BRCA1: variants seen among roughly 807,000 people sequenced by gnomAD.
BRCA1 encodes BRCA1 DNA repair associated.
Under a neutral mutation model 173.7 loss-of-function variants are expected in BRCA1, and 140 were observed. That is an observed-to-expected ratio of 0.81 (90% CI 0.70 to 0.93). The LOEUF (loss-of-function observed/expected upper bound fraction) is 0.93, where lower values mean the gene tolerates loss of function less well. BRCA1 is among the 40% of genes least tolerant of loss of function. The probability of loss-of-function intolerance (pLI) is 0.00; values close to 1 mark genes in which losing one functional copy is unlikely to be tolerated. For missense variants in BRCA1, 1,983 were observed against 2,172.5 expected, an observed-to-expected ratio of 0.91 and a Z score of 1.73; for synonymous variants, 662 against 756.0, an observed-to-expected ratio of 0.88 and a Z score of 2.04.
Position 43,092,969 on chromosome 17 carries a change from A to C in BRCA1, c.2562T>G (p.Ala854=), listed in dbSNP as rs1182712531. ...SIEMEESELD[A]QYLQNTFKVS... ...CCTTGAATGTATTCTGCAAATACTG[A>C]GCATCAAGTTCACTTTCTTCCATTT... is the stretch of plus-strand genomic sequence containing the variant. The change falls in exon 10 of 23, where the codon GCT becomes GCG. Residue 854 remains alanine, a synonymous_variant. Transcript: ENST00000357654. 1 of 1,613,442 alleles carries C rather than the reference A, an allele frequency of 6.2e-7. No homozygotes were observed. The highest frequency in any genetic ancestry group is 1.1e-5 in the South Asian group (1 of 91,046).
chr17:43,096,585 A>C (rs1323392875), intron 8 of BRCA1, among the ~76,000 whole-genome samples: 1 of 151,892 alleles, frequency 6.6e-6, no homozygotes, highest in African/African-American at 2.4e-5. Context: ...AAAAAAAAAA[A>C]AAAAACCTGG....
intron 1 of BRCA1, chr17:43,138,604 G>A (rs2056047529): frequency 2.7e-6 from 2 of 746,588 alleles, no homozygotes; most frequent in Non-Finnish European, 5.0e-6. Flanking sequence ...ATGTGGAGTT[G>A]TGCTGCAGAG....
At chr17:43,111,780 C>T (rs571090664) in intron 3 of BRCA1, among the ~76,000 whole-genome samples, 12 of 152,184 alleles carry the variant, frequency 7.9e-5, no homozygotes, top group African/African-American at 2.6e-4. Context: ...CGAGACTGCA[C>T]CACCGCACTC....
upstream of BRCA1, among the ~76,000 whole-genome samples, chr17:43,130,009 T>G (rs544181007): frequency 1.8e-4 from 27 of 152,262 alleles, no homozygotes; most frequent in Non-Finnish European, 5.9e-5. Context: ...TGGAGAAAAC[T>G]GGGGGATAAT....
chr17:43,117,360 T>C (rs2055343106), intron 2 of BRCA1, among the ~76,000 whole-genome samples: 1 of 152,150 alleles, frequency 6.6e-6, no homozygotes. Context: ...AAGGATCACT[T>C]GAATCCTGGA....
At chr17:43,098,753 C>T (rs1482759668) in intron 7 of BRCA1, among the ~76,000 whole-genome samples, 3 of 151,968 alleles carry the variant, frequency 2.0e-5, no homozygotes, top group Non-Finnish European at 4.4e-5. Flanking sequence ...ACCAATCCTT[C>T]TGCCTCGGTC....
At chr17:43,125,893 C>G (rs1329989509), upstream of BRCA1, 2 of 153,142 alleles carry the variant, frequency 1.3e-5, no homozygotes, top group Non-Finnish European at 2.9e-5. Context: ...TGGAGAGGAA[C>G]ATCCAATACC....
intron 6 of BRCA1, 52 bp downstream of exon 6, chr17:43,104,057 CAAAAAAAAAAAAG>C (rs1422993794): frequency 2.3e-6 from 3 of 1,300,130 alleles, no homozygotes; most frequent in African/African-American, 3.4e-5. Context: ...GACTCCATCT[CAAAAAAAAAAAAG>C]AAAAAAAAAA....
chr17:43,128,910 G>T (rs1337128201), upstream of BRCA1, among the ~76,000 whole-genome samples: 1 of 150,118 alleles, frequency 6.7e-6, no homozygotes, highest in Non-Finnish European at 1.5e-5. Flanking sequence ...CTCCTGCCTT[G>T]GCCTCCCAAA....
intron 22 of BRCA1, 152 bp from the exon 23 acceptor site, chr17:43,045,954 G>C (rs1314477200): frequency 3.0e-6 from 3 of 1,014,318 alleles, no homozygotes; most frequent in Non-Finnish European, 4.2e-6. Flanking sequence ...ACGGAGTCTT[G>C]CTCTGTCGCC....
rs80357280 is a variant in BRCA1 at position 43,091,708 on chromosome 17, T to C, written c.3823A>G (p.Ile1275Val). 7.9e-5 allele frequency: 128 copies of C among 1,614,218 alleles called. No individual in the cohort carries two copies. The highest frequency in any genetic ancestry group is 7.2e-4 in the Admixed American group (43 of 60,028). ...TGTTCCTGAGATGCCTTTGCCAATATTACCTGGTTACTGCAGTCATTTAAG... is the reference window on the plus strand; with the variant it reads ...TGTTCCTGAGATGCCTTTGCCAATACTACCTGGTTACTGCAGTCATTTAAG... Reference protein sequence around the residue: ...NSLNDCSNQVILAKASQEHHL... With the variant: ...NSLNDCSNQVVLAKASQEHHL... Residue 1275 changes from isoleucine (I) to valine (V), a missense_variant, in exon 10 of 23, where the codon ATA becomes GTA. Physicochemically the swap from Ile to Val is conservative, Grantham distance 29. Coordinates refer to ENST00000357654, the MANE Select transcript of BRCA1 (RefSeq NM_007294.4).
intron 1 of BRCA1, among the ~76,000 whole-genome samples, chr17:43,135,162 G>T (rs1233634485): frequency 6.6e-6 from 1 of 152,224 alleles, no homozygotes; most frequent in Non-Finnish European, 1.5e-5. Flanking sequence ...CGCCTTAGGC[G>T]GTTCTGCGGA....
intron 13 of BRCA1, among the ~76,000 whole-genome samples, chr17:43,075,415 T>C (rs1345403090): frequency 6.6e-6 from 1 of 152,156 alleles, no homozygotes; most frequent in Non-Finnish European, 1.5e-5. Flanking sequence ...TGCTTAGGAC[T>C]TTGCAAAATA....
At chr17:43,075,298 T>C (rs1232187037) in intron 13 of BRCA1, among the ~76,000 whole-genome samples, 1 of 152,178 alleles carries the variant, frequency 6.6e-6, no homozygotes, top group Non-Finnish European at 1.5e-5. Context: ...ATCATCCCTA[T>C]TGCCTGCCTT....
chr17:43,046,687 G>A (rs748960767), intron 22 of BRCA1, among the ~76,000 whole-genome samples: 131 of 151,578 alleles, frequency 8.6e-4, no homozygotes, highest in Middle Eastern at 3.4e-3. Context: ...CCCAGGAGGC[G>A]GAGGTTGCAG....
intron 3 of BRCA1, among the ~76,000 whole-genome samples, chr17:43,109,707 C>T (rs1193666126): frequency 6.6e-6 from 1 of 152,054 alleles, no homozygotes; most frequent in Non-Finnish European, 1.5e-5. Context: ...AGGCATCAAG[C>T]ATTACTCCAG....
At chr17:43,138,514 C>T (rs751279438) in intron 1 of BRCA1, 18 of 643,364 alleles carry the variant, frequency 2.8e-5, no homozygotes, top group Non-Finnish European at 3.7e-5. Flanking sequence ...TGCAAAGCCT[C>T]GGACACCCAA....
intron 19 of BRCA1, among the ~76,000 whole-genome samples, chr17:43,056,028 G>A (rs962644481): frequency 6.6e-6 from 1 of 152,152 alleles, no homozygotes; most frequent in African/African-American, 2.4e-5. Context: ...GTGTGACTTT[G>A]AGCAACTTAT....
At chr17:43,145,231 A>G in intron 1 of BRCA1, 1 of 698,116 alleles carries the variant, frequency 1.4e-6, no homozygotes, top group Non-Finnish European at 2.7e-6. Flanking sequence ...CTGATGAAGC[A>G]GGAGATAAAG....
Sources: allele counts gnomAD v4.1 joint callset (sites outside exome capture counted in the v4.1 genomes callset), GRCh38; gene constraint gnomAD v4.1.1; transcripts MANE v1.5; gene names NCBI Gene and HGNC (gene_info 2026-07-23, HGNC 2026-07-21).